GPHN: variants seen among roughly 807,000 people sequenced by gnomAD.
GPHN encodes the protein gephyrin.
A neutral mutation model predicts 95.5 loss-of-function variants in GPHN; 17 were observed. The observed-to-expected ratio is 0.18, with a 90% CI of 0.12 to 0.27. The LOEUF is 0.27. GPHN is among the 10% of genes least tolerant of loss of function. GPHN has a pLI of 1.00. For synonymous variants in GPHN, 320 were observed against 322.5 expected (o/e 0.99, Z 0.08); for missense variants, 660 against 978.1 (o/e 0.67, Z 4.34).
intron 9 of GPHN, among the ~76,000 whole-genome samples, chr14:67,007,938 C>T (rs1325470300): frequency 2.0e-5 from 3 of 152,056 alleles, no homozygotes; most frequent in African/African-American, 7.2e-5. Flanking sequence ...TTTTTTACTT[C>T]AGCATTTAAA....
At chr14:67,261,021 T>C in the GPHN span, among the ~76,000 whole-genome samples, 2 of 152,170 alleles carry the variant, frequency 1.3e-5, no homozygotes, top group African/African-American at 4.8e-5. Flanking sequence ...CCATTTAGCT[T>C]TTGACATTGG....
At chr14:67,545,260 T>C in the GPHN span, among the ~76,000 whole-genome samples, 1 of 152,238 alleles carries the variant, frequency 6.6e-6, no homozygotes. Context: ...CTTATTCACA[T>C]GGTTATACCC....
intron 6 of GPHN, among the ~76,000 whole-genome samples, chr14:66,918,395 C>A (rs1801477831): frequency 6.6e-6 from 1 of 152,046 alleles, no homozygotes; most frequent in Non-Finnish European, 1.5e-5. Flanking sequence ...TAGAGAGAAG[C>A]AATTGGGGGC....
intron 4 of GPHN, among the ~76,000 whole-genome samples, chr14:66,866,522 TTAA>T (rs1368805444): frequency 6.6e-6 from 1 of 152,186 alleles, no homozygotes; most frequent in African/African-American, 2.4e-5. Context: ...AATTATCAGA[TTAA>T]TGTTTAGATA....
chr14:67,559,392 C>A, the GPHN span, among the ~76,000 whole-genome samples: 3 of 152,188 alleles, frequency 2.0e-5, no homozygotes, highest in African/African-American at 7.2e-5. Context: ...GTTTATTCAG[C>A]CAACCCCTTC....
At chr14:67,735,228 GTGC>G in the GPHN span, 1 of 1,447,532 alleles carries the variant, frequency 6.9e-7, no homozygotes, top group Admixed American at 1.7e-5. Flanking sequence ...TGGTGTTCAG[GTGC>G]TCCCACGAGA....
chr14:67,054,826 C>G (rs1398913971), intron 10 of GPHN, among the ~76,000 whole-genome samples: 1 of 152,070 alleles, frequency 6.6e-6, no homozygotes, highest in African/African-American at 2.4e-5. Flanking sequence ...CTTCAACAAA[C>G]CTGACAAAAG....
At chr14:66,850,142 G>A (rs1429946751) in intron 4 of GPHN, among the ~76,000 whole-genome samples, 2 of 152,000 alleles carry the variant, frequency 1.3e-5, no homozygotes, top group Admixed American at 6.6e-5. Context: ...CTTCAGTAAT[G>A]TAGAATTAAT....
chr14:67,411,890 C>A, the GPHN span: 1 of 852,112 alleles, frequency 1.2e-6, no homozygotes. Context: ...GCGGCCCGGT[C>A]CCACCATGGG....
chr14:67,115,040 C>T (rs2078597333), intron 16 of GPHN, among the ~76,000 whole-genome samples: 1 of 152,070 alleles, frequency 6.6e-6, no homozygotes, highest in African/African-American at 2.4e-5. Context: ...TTTAACAGAC[C>T]TGCTATACTA....
At chr14:67,361,210 A>G in the GPHN span, among the ~76,000 whole-genome samples, 68 of 152,314 alleles carry the variant, frequency 4.5e-4, no homozygotes, top group Non-Finnish European at 7.6e-4. Flanking sequence ...GGCTTTTTAA[A>G]TTTTTATTAA....
the GPHN span, among the ~76,000 whole-genome samples, chr14:67,370,529 A>T: frequency 6.6e-6 from 1 of 152,242 alleles, no homozygotes; most frequent in African/African-American, 2.4e-5. Flanking sequence ...GAATGGGGCT[A>T]TCACTGCAGA....
At chr14:67,403,321 G>A in the GPHN span, among the ~76,000 whole-genome samples, 1 of 152,204 alleles carries the variant, frequency 6.6e-6, no homozygotes, top group Non-Finnish European at 1.5e-5. Flanking sequence ...AAGGGCAGTA[G>A]CAAAAGAGCA....
chr14:66,519,088 A>C (rs189598425), intron 1 of GPHN, among the ~76,000 whole-genome samples: 1 of 152,046 alleles, frequency 6.6e-6, no homozygotes, highest in Non-Finnish European at 1.5e-5. Flanking sequence ...TATGTATCTC[A>C]TAAGTATGTA....
At chr14:67,455,589 A>T in the GPHN span, among the ~76,000 whole-genome samples, 3 of 152,222 alleles carry the variant, frequency 2.0e-5, no homozygotes, top group Non-Finnish European at 4.4e-5. Context: ...CAGAATTAAT[A>T]AATAATAAAT....
the GPHN span, among the ~76,000 whole-genome samples, chr14:67,688,218 T>C: frequency 6.6e-5 from 10 of 152,286 alleles, no homozygotes; most frequent in South Asian, 4.1e-4. Context: ...CTAAAATCCA[T>C]TGTAAGTCCT....
At chr14:66,539,221 CCT>C (rs143749807) in intron 1 of GPHN, among the ~76,000 whole-genome samples, 5,979 of 151,954 alleles carry the variant, frequency 0.039, 165 homozygotes, top group Middle Eastern at 0.058. Flanking sequence ...CGGTTTGTCC[CCT>C]GTTTCTAGGA....
At chr14:67,422,150 C>A in the GPHN span, among the ~76,000 whole-genome samples, 1 of 152,216 alleles carries the variant, frequency 6.6e-6, no homozygotes, top group Non-Finnish European at 1.5e-5. Context: ...CCCAGGGAGA[C>A]AATATTCCTC....
chr14:66,771,956 G>GTTC (rs1317205437), intron 2 of GPHN, among the ~76,000 whole-genome samples: 1 of 151,968 alleles, frequency 6.6e-6, no homozygotes, highest in East Asian at 1.9e-4. Flanking sequence ...AGGAGCAGTG[G>GTTC]TTCAGTATTA....
Sources: allele counts gnomAD v4.1 joint callset (sites outside exome capture counted in the v4.1 genomes callset), GRCh38; gene constraint gnomAD v4.1.1; transcripts MANE v1.5; gene names NCBI Gene and HGNC (gene_info 2026-07-23, HGNC 2026-07-21).